SMIM14: variants seen among roughly 807,000 people sequenced by gnomAD.
SMIM14 encodes the protein small integral membrane protein 14, also known as chromosome 4 open reading frame 34.
Under a neutral mutation model 12.6 loss-of-function variants are expected in SMIM14, and 5 were observed. The ratio of observed to expected loss-of-function variants is 0.40; its 90% CI spans 0.21 to 0.83. The LOEUF (loss-of-function observed/expected upper bound fraction) is 0.83, where lower values mean the gene tolerates loss of function less well. Ranked by LOEUF, SMIM14 falls within the 40% of genes least tolerant of loss-of-function variation. The pLI is 0.37. For missense variants in SMIM14, 86 were observed against 119.1 expected (o/e 0.72, Z 1.29); for synonymous variants, 30 against 40.1 (o/e 0.75, Z 0.95).
chr4:39,625,978 G>A (rs1170684709), intron 1 of SMIM14, among the ~76,000 whole-genome samples: 1 of 152,172 alleles, frequency 6.6e-6, no homozygotes, highest in East Asian at 1.9e-4. Context: ...ACTGGTCTGT[G>A]GCCTGTTAGG....
chr4:39,556,561 G>T lies in SMIM14; in HGVS notation c.134C>A (p.Pro45His). ...AACACTGATGCCATTATCACCAGAG[G>T]GTCCCGGTACTAAAGACAAACAAAA... ...DTECLQELPG[P>H]SGDNGISVTM... The change falls in exon 4 of 5, where the codon CCC (proline) becomes CAC (histidine). Residue 45 changes from proline to histidine, a missense_variant. Physicochemically the swap from Pro to His is moderately conservative, Grantham distance 77 (BLOSUM62 -2). Coordinates refer to ENST00000295958, the MANE Select transcript of SMIM14 (RefSeq NM_174921.3). 6.2e-7 allele frequency: 1 copy of T among 1,603,680 alleles called. No individual in the cohort carries two copies. Among genetic ancestry groups the T allele is most frequent in the Non-Finnish European group, 8.5e-7 (1 of 1,177,210 alleles).
intron 1 of SMIM14, among the ~76,000 whole-genome samples, chr4:39,621,841 G>T (rs905468886): frequency 1.4e-5 from 2 of 143,678 alleles, no homozygotes; most frequent in African/African-American, 5.0e-5. Flanking sequence ...ATGTTATCAT[G>T]CTTGGCTTTT....
rs1366638276 is a variant in SMIM14, at chr4:39,547,334, T to C, written c.*4792A>G. On this transcript the variant is annotated 3_prime_UTR_variant, in exon 5 of 5. Transcript: ENST00000295958. ...TTTCTATTTATTCATTAATAAAAAG[T>C]GCATAGTACAAGCCCTTTATCCCAA... The C allele has an allele frequency of 6.6e-6, 1 of 152,204 alleles. No individual in the cohort carries two copies. Among genetic ancestry groups the C allele is most frequent in the Non-Finnish European group, 1.5e-5 (1 of 68,028 alleles). 9.4% of individuals were successfully genotyped at this position (152,204 alleles called of 1,614,324 possible).
chr4:39,586,314 A>G (rs1293004438), intron 2 of SMIM14, among the ~76,000 whole-genome samples: 1 of 151,908 alleles, frequency 6.6e-6, no homozygotes, highest in Admixed American at 6.6e-5. Context: ...TTCCTTCAAC[A>G]TTTTGCTTAG....
intron 1 of SMIM14, among the ~76,000 whole-genome samples, chr4:39,605,442 G>T (rs1466994452): frequency 6.6e-6 from 1 of 151,146 alleles, no homozygotes; most frequent in Non-Finnish European, 1.5e-5. Flanking sequence ...TGATGCTGAA[G>T]ATGCTAGAAC....
chr4:39,603,841 T>A (rs1344278350), intron 2 of SMIM14, among the ~76,000 whole-genome samples: 1 of 151,538 alleles, frequency 6.6e-6, no homozygotes. Context: ...TGAAACCCCG[T>A]CTCTACTAAA....
chr4:39,614,194 A>G (rs1715135609), intron 1 of SMIM14, among the ~76,000 whole-genome samples: 1 of 150,936 alleles, frequency 6.6e-6, no homozygotes, highest in South Asian at 2.1e-4. Context: ...ACAAAAAAAA[A>G]AAAAAAAAAG....
intron 4 of SMIM14, among the ~76,000 whole-genome samples, chr4:39,552,611 G>T (rs1283630697): frequency 6.6e-6 from 1 of 152,214 alleles, no homozygotes; most frequent in Admixed American, 6.5e-5. Flanking sequence ...GATGCATGTG[G>T]CTGCAGTTGC....
At chr4:39,592,039 T>C (rs1338958675) in intron 2 of SMIM14, among the ~76,000 whole-genome samples, 4 of 150,202 alleles carry the variant, frequency 2.7e-5, no homozygotes, top group Non-Finnish European at 5.9e-5. Context: ...CAAAAAAAAA[T>C]ACAAAAATTA....
chr4:39,603,959 C>G (rs973394295), intron 2 of SMIM14, among the ~76,000 whole-genome samples: 8 of 149,144 alleles, frequency 5.4e-5, no homozygotes, highest in African/African-American at 2.0e-4. Flanking sequence ...TGCAGTGAGC[C>G]GAGATCGCAC....
At chr4:39,591,590 C>G (rs1714083178) in intron 2 of SMIM14, among the ~76,000 whole-genome samples, 1 of 152,112 alleles carries the variant, frequency 6.6e-6, no homozygotes, top group African/African-American at 2.4e-5. Context: ...CAGTCTCCCT[C>G]TGTCACGCAG....
At chr4:39,554,210 T>C (rs894200260) in intron 4 of SMIM14, among the ~76,000 whole-genome samples, 1 of 152,194 alleles carries the variant, frequency 6.6e-6, no homozygotes, top group Non-Finnish European at 1.5e-5. Context: ...TGGTGGCTCA[T>C]GCCTGTAATA....
At chr4:39,626,299 T>C (rs1392050653) in intron 1 of SMIM14, among the ~76,000 whole-genome samples, 1 of 152,118 alleles carries the variant, frequency 6.6e-6, no homozygotes, top group East Asian at 1.9e-4. Context: ...GATTAGAGTA[T>C]ACCAAGTCTT....
At chr4:39,634,500 T>C (rs1716021827) in intron 1 of SMIM14, among the ~76,000 whole-genome samples, 1 of 152,250 alleles carries the variant, frequency 6.6e-6, no homozygotes, top group Admixed American at 6.5e-5. Context: ...CCTACATATC[T>C]GAGTTGCTTT....
intron 2 of SMIM14, among the ~76,000 whole-genome samples, chr4:39,583,263 T>C (rs138103122): frequency 8.0e-4 from 122 of 152,082 alleles, no homozygotes; most frequent in Non-Finnish European, 1.3e-3. Flanking sequence ...TAATTTTTTA[T>C]TTTATTTTAT....
chr4:39,622,477 C>T (rs533103233), intron 1 of SMIM14, among the ~76,000 whole-genome samples: 4 of 151,798 alleles, frequency 2.6e-5, no homozygotes, highest in East Asian at 3.9e-4. Context: ...CTCGGCTCAC[C>T]GCAACCTCCA....
chr4:39,574,262 T>C (rs1436830356), intron 2 of SMIM14, among the ~76,000 whole-genome samples: 1 of 151,178 alleles, frequency 6.6e-6, no homozygotes, highest in Admixed American at 6.6e-5. Context: ...TTTTTTCTTT[T>C]CTCTTCTTAG....
chr4:39,590,559 C>A (rs62307811), intron 2 of SMIM14, among the ~76,000 whole-genome samples: 21 of 151,312 alleles, frequency 1.4e-4, no homozygotes, highest in African/African-American at 5.1e-4. Context: ...CTCAGCACTT[C>A]GGGAGGCCAA....
chr4:39,595,903 C>A (rs1012488828), intron 2 of SMIM14, among the ~76,000 whole-genome samples: 1 of 152,034 alleles, frequency 6.6e-6, no homozygotes, highest in African/African-American at 2.4e-5. Flanking sequence ...GGGTGAGCCA[C>A]CATGCCAGGC....
Sources: allele counts gnomAD v4.1 joint callset (sites outside exome capture counted in the v4.1 genomes callset), GRCh38; gene constraint gnomAD v4.1.1; transcripts MANE v1.5; gene names NCBI Gene and HGNC (gene_info 2026-07-23, HGNC 2026-07-21).